Variants in TBC1D22A observed in about 807,000 individuals in gnomAD.
TBC1D22A encodes the protein TBC1 domain family member 22A, also known as putative GTPase activator.
Under a neutral mutation model 60.2 loss-of-function variants are expected in TBC1D22A, and 38 were observed. The observed-to-expected ratio is 0.63, with a 90% confidence interval of 0.49 to 0.83. The LOEUF (loss-of-function observed/expected upper bound fraction) is 0.83, where lower values mean the gene tolerates loss of function less well. TBC1D22A is among the 40% of genes least tolerant of loss of function. The pLI, the probability that TBC1D22A is intolerant of heterozygous loss-of-function variation, is 0.00. For missense variants in TBC1D22A, 628 were observed against 701.0 expected (o/e 0.90, Z 1.18); for synonymous variants, 302 against 281.7 (o/e 1.07, Z -0.72).
chr22:46,896,705 T>G (rs1004100276), intron 7 of TBC1D22A, among the ~76,000 whole-genome samples: 2 of 152,178 alleles, frequency 1.3e-5, no homozygotes, highest in Non-Finnish European at 2.9e-5. Context: ...TCCCTTCATA[T>G]CGCACCCCGC....
At chr22:47,082,743 G>A (rs370763748) in intron 11 of TBC1D22A, among the ~76,000 whole-genome samples, 1 of 152,244 alleles carries the variant, frequency 6.6e-6, no homozygotes, top group East Asian at 1.9e-4. Flanking sequence ...GTGCTGACAA[G>A]TATGTGGCTC....
At position 46,948,809 on chromosome 22, in the gene TBC1D22A, G is replaced by T. The variant is rs112443543; in HGVS notation, c.1016-25481G>T. Among the ~76,000 whole-genome samples, 149 of 152,352 alleles carry T rather than the reference G, an allele frequency of 9.8e-4. 1 individual carries two copies. The highest frequency in any genetic ancestry group is 3.5e-3 in the African/African-American group (145 of 41,568). On this transcript the variant is annotated intron_variant, in intron 8 of 12. Coordinates refer to ENST00000337137, the MANE Select transcript of TBC1D22A (RefSeq NM_014346.5). ...TTCTCCACAGAATCAATTTCATCTT[G>T]TAAGCACGGCCAAACAGAAACATGC...
chr22:46,909,337 C>G (rs1189888228), intron 7 of TBC1D22A, among the ~76,000 whole-genome samples: 1 of 152,174 alleles, frequency 6.6e-6, no homozygotes, highest in East Asian at 1.9e-4. Flanking sequence ...CACTCACACC[C>G]AGCACTGCAG....
At chr22:46,769,391 C>T (rs752172210) in intron 1 of TBC1D22A, among the ~76,000 whole-genome samples, 11 of 152,210 alleles carry the variant, frequency 7.2e-5, no homozygotes, top group African/African-American at 1.4e-4. Flanking sequence ...GTGGTGCGTG[C>T]TGAGCAAGCC....
intron 4 of TBC1D22A, among the ~76,000 whole-genome samples, chr22:46,846,977 C>A (rs886075925): frequency 6.6e-6 from 1 of 152,168 alleles, no homozygotes. Context: ...ACTGTTTAGG[C>A]GGGTGTCCCC....
chr22:46,783,330 C>T (rs1235897451), intron 1 of TBC1D22A, among the ~76,000 whole-genome samples: 4 of 152,200 alleles, frequency 2.6e-5, no homozygotes, highest in African/African-American at 9.7e-5. Flanking sequence ...GGCGGTGCTC[C>T]AGCAGTGTGC....
rs145098361 is a variant in TBC1D22A at position 46,932,449 on chromosome 22, C to T, written c.1015+20261C>T. 9.3e-3 allele frequency among the ~76,000 whole-genome samples: 1,411 copies of T among 152,290 alleles called. 26 individuals are homozygous for T. The highest frequency in any genetic ancestry group is 0.032 in the African/African-American group (1,329 of 41,538). On this transcript the variant is annotated intron_variant, in intron 8 of 12. Transcript: ENST00000337137. ...CCTTCAGCTTTTGCATTTGTATCCA[C>T]GAGTGACAGTGGTGTGTAGGGTTTT...
chr22:46,982,085 GC>G (rs960585397), intron 9 of TBC1D22A, among the ~76,000 whole-genome samples: 1 of 152,196 alleles, frequency 6.6e-6, no homozygotes, highest in African/African-American at 2.4e-5. Context: ...AGGAGTGTGG[GC>G]TGGAGCTTGA....
At chr22:46,936,938 T>C (rs1235422803) in intron 8 of TBC1D22A, among the ~76,000 whole-genome samples, 1 of 152,208 alleles carries the variant, frequency 6.6e-6, no homozygotes, top group African/African-American at 2.4e-5. Context: ...AATCTCTAAG[T>C]GTACAGCTGT....
Position 47,087,341 on chromosome 22 carries a change from A to G in TBC1D22A, c.1330-24167A>G, listed in dbSNP as rs60844577. On this transcript the variant is annotated intron_variant, in intron 11 of 12. Coordinates refer to ENST00000337137, the MANE Select transcript of TBC1D22A (RefSeq NM_014346.5). ...CTTGTTTTATAGTTTTTTACTTTGA[A>G]TCATGTATTGCTTTACATAATTATA... Among the ~76,000 whole-genome samples the G allele has an allele frequency of 8.3e-3, 1,272 of 152,352 alleles. 19 individuals are homozygous for G. The highest frequency in any genetic ancestry group is 0.029 in the African/African-American group (1,219 of 41,580).
At chr22:46,845,184 T>A (rs534662395) in intron 4 of TBC1D22A, among the ~76,000 whole-genome samples, 1 of 152,242 alleles carries the variant, frequency 6.6e-6, no homozygotes, top group Non-Finnish European at 1.5e-5. Context: ...AGATTGTTAA[T>A]CAATTGTTTT....
At chr22:47,044,372 G>A (rs1270368580) in intron 11 of TBC1D22A, among the ~76,000 whole-genome samples, 1 of 152,190 alleles carries the variant, frequency 6.6e-6, no homozygotes, top group Non-Finnish European at 1.5e-5. Flanking sequence ...AGGCTGCCTC[G>A]GGTCTCCACT....
intron 12 of TBC1D22A, among the ~76,000 whole-genome samples, chr22:47,171,158 C>G (rs1425110262): frequency 2.0e-5 from 3 of 152,214 alleles, no homozygotes; most frequent in Non-Finnish European, 2.9e-5. Flanking sequence ...GCCAGGCCCA[C>G]TGCCCAAGAC....
intron 12 of TBC1D22A, among the ~76,000 whole-genome samples, chr22:47,144,635 G>A (rs1300258527): frequency 6.6e-6 from 1 of 152,250 alleles, no homozygotes; most frequent in Non-Finnish European, 1.5e-5. Context: ...AGGCGCGTCG[G>A]TGTTACTGTC....
intron 9 of TBC1D22A, among the ~76,000 whole-genome samples, chr22:46,977,414 ACCC>A (rs2074343558): frequency 6.6e-6 from 1 of 151,994 alleles, no homozygotes; most frequent in African/African-American, 2.4e-5. Context: ...AGTCAGCATC[ACCC>A]CTCTGTCCCC....
At chr22:47,124,989 G>A (rs1483279912) in intron 12 of TBC1D22A, among the ~76,000 whole-genome samples, 1 of 152,110 alleles carries the variant, frequency 6.6e-6, no homozygotes, top group Non-Finnish European at 1.5e-5. Context: ...CCCTGTAAAG[G>A]AGGGAGGGGC....
intron 11 of TBC1D22A, among the ~76,000 whole-genome samples, chr22:47,071,260 T>G (rs539302296): frequency 1.3e-5 from 2 of 152,228 alleles, no homozygotes; most frequent in Non-Finnish European, 2.9e-5. Flanking sequence ...TGTTTAAGCC[T>G]CCCAGGAGCT....
chr22:46,806,850 C>A (rs149123964), intron 4 of TBC1D22A, among the ~76,000 whole-genome samples: 11 of 152,136 alleles, frequency 7.2e-5, no homozygotes, highest in Non-Finnish European at 1.6e-4. Context: ...TGCTGATCTT[C>A]GGCCAGTCAG....
chr22:47,095,114 A>G (rs2065122289), intron 11 of TBC1D22A, among the ~76,000 whole-genome samples: 1 of 152,280 alleles, frequency 6.6e-6, no homozygotes, highest in Admixed American at 6.5e-5. Context: ...GAATTTTAAA[A>G]TGGCTGTGCT....
Sources: gnomAD v4.1 joint callset for allele counts (sites outside exome capture counted in the v4.1 genomes callset) on GRCh38, gnomAD v4.1.1 for gene constraint, MANE v1.5 for transcripts, NCBI Gene and HGNC (gene_info 2026-07-23, HGNC 2026-07-21) for gene names.